KANSL1: variants seen among roughly 807,000 people sequenced by gnomAD.
KANSL1 encodes MLL1/MLL complex subunit KANSL1.
A neutral mutation model predicts 103.6 loss-of-function variants in KANSL1; 22 were observed. The ratio of observed to expected loss-of-function variants is 0.21; its 90% CI spans 0.15 to 0.30. The LOEUF (loss-of-function observed/expected upper bound fraction) is 0.30, where lower values mean the gene tolerates loss of function less well. Among genes scored for constraint, KANSL1 ranks in the 10% least tolerant of loss-of-function variants. The pLI is 1.00. For synonymous variants in KANSL1, 600 were observed against 527.6 expected, an observed-to-expected ratio of 1.14 and a Z score of -1.88; for missense variants, 1,337 against 1,399.8, an observed-to-expected ratio of 0.96 and a Z score of 0.72.
At chr17:46,206,083 C>CAAAAAA (rs71226716) in intron 1 of KANSL1, among the ~76,000 whole-genome samples, 1 of 89,594 alleles carries the variant, frequency 1.1e-5, no homozygotes, top group Non-Finnish European at 2.0e-5. Context: ...CTGTGTCCCC[C>CAAAAAA]AAAAAAAAAA....
intron 6 of KANSL1, among the ~76,000 whole-genome samples, chr17:46,055,437 C>G (rs1338360717): frequency 6.6e-6 from 1 of 150,878 alleles, no homozygotes; most frequent in Non-Finnish European, 1.5e-5. Context: ...TGCACTCCAG[C>G]CTGGGCGACA....
At chr17:46,049,638 C>G (rs189456444) in intron 7 of KANSL1, 1 of 152,080 alleles carries the variant, frequency 6.6e-6, no homozygotes, top group Non-Finnish European at 1.5e-5. Context: ...CACTCTGGGG[C>G]AAGACCCATA....
At chr17:46,195,415 T>C (rs1204464980), upstream of KANSL1, among the ~76,000 whole-genome samples, 3 of 152,254 alleles carry the variant, frequency 2.0e-5, no homozygotes, top group Non-Finnish European at 4.4e-5. Flanking sequence ...TTTAAAACCA[T>C]GTATTTGGGG....
intron 1 of KANSL1, among the ~76,000 whole-genome samples, chr17:46,213,332 G>C (rs1342488292): frequency 6.6e-6 from 1 of 152,114 alleles, no homozygotes; most frequent in Non-Finnish European, 1.5e-5. Flanking sequence ...ACGGAGTCTC[G>C]CTCTGTGGCC....
intron 2 of KANSL1, among the ~76,000 whole-genome samples, chr17:46,138,399 G>C (rs2044259268): frequency 6.6e-6 from 1 of 152,170 alleles, no homozygotes; most frequent in Non-Finnish European, 1.5e-5. Flanking sequence ...TATTTACATA[G>C]CATTTACACT....
chr17:46,086,926 C>T (rs1465339953), intron 3 of KANSL1, among the ~76,000 whole-genome samples: 1 of 152,114 alleles, frequency 6.6e-6, no homozygotes, highest in Non-Finnish European at 1.5e-5. Flanking sequence ...ACCACCACGC[C>T]TGGCTAGTTT....
chr17:46,062,911 G>A (rs1202582573), intron 6 of KANSL1, among the ~76,000 whole-genome samples: 12 of 152,176 alleles, frequency 7.9e-5, no homozygotes, highest in Middle Eastern at 3.4e-3. Flanking sequence ...ATAGCTGGGC[G>A]TGGTGGCGTA....
chr17:46,127,394 A>G (rs978333469), intron 2 of KANSL1, among the ~76,000 whole-genome samples: 2 of 152,270 alleles, frequency 1.3e-5, no homozygotes, highest in Non-Finnish European at 2.9e-5. Context: ...ACAGTTTTAA[A>G]GCAATGTTAC....
At chr17:46,049,679 CTTCTT>C (rs2077643260) in intron 7 of KANSL1, 1 of 151,966 alleles carries the variant, frequency 6.6e-6, no homozygotes, top group East Asian at 1.9e-4. Context: ...AAGGAATGCT[CTTCTT>C]TTGTCAAGTG....
intron 2 of KANSL1, among the ~76,000 whole-genome samples, chr17:46,096,694 C>T (rs1474156125): frequency 1.3e-5 from 2 of 151,972 alleles, no homozygotes; most frequent in African/African-American, 4.8e-5. Context: ...TCTCGGCTCA[C>T]TGCAAGCTCC....
intron 6 of KANSL1, among the ~76,000 whole-genome samples, 182 bp from the exon 7 acceptor site, chr17:46,050,886 G>A (rs927369005): frequency 6.6e-6 from 1 of 152,174 alleles, no homozygotes; most frequent in African/African-American, 2.4e-5. Context: ...ATTTCCATTT[G>A]TCTAACACAC....
chr17:46,038,145 A>C, intron 10 of KANSL1: 2 of 180,840 alleles, frequency 1.1e-5, no homozygotes, highest in Non-Finnish European at 2.3e-5. Context: ...GCCCATGGGA[A>C]TCTCCCCTCT....
intron 5 of KANSL1, 107 bp from the exon 6 acceptor site, chr17:46,066,839 A>ATTTGCTAATG (rs1410393393): frequency 4.0e-6 from 3 of 757,198 alleles, no homozygotes; most frequent in Non-Finnish European, 6.3e-6. Context: ...TTCAACCTCT[A>ATTTGCTAATG]TTTGCTAATG....
chr17:46,175,436 G>A (rs1309065553), intron 1 of KANSL1, among the ~76,000 whole-genome samples: 1 of 151,046 alleles, frequency 6.6e-6, no homozygotes, highest in African/African-American at 2.4e-5. Flanking sequence ...TGCAACCTCC[G>A]CCTCCTGTGT....
chr17:46,217,148 C>T (rs1227451562), intron 1 of KANSL1, among the ~76,000 whole-genome samples: 4 of 149,364 alleles, frequency 2.7e-5, no homozygotes, highest in African/African-American at 9.9e-5. Context: ...TGTAGTACTC[C>T]TAACATTCAG....
At chr17:46,066,241 A>G (rs2078371571) in intron 6 of KANSL1, among the ~76,000 whole-genome samples, 1 of 152,252 alleles carries the variant, frequency 6.6e-6, no homozygotes, top group African/African-American at 2.4e-5. Context: ...ATTCTCCTTC[A>G]AAGTGTTAAG....
chr17:46,033,360 T>C (rs1490060343), intron 12 of KANSL1, 43 bp downstream of exon 12: 1 of 1,572,856 alleles, frequency 6.4e-7, no homozygotes, highest in South Asian at 1.1e-5. Flanking sequence ...TATGTGTGCA[T>C]GTGTACACAC....
intron 2 of KANSL1, among the ~76,000 whole-genome samples, chr17:46,159,300 G>C (rs571215297): frequency 6.6e-6 from 1 of 152,218 alleles, no homozygotes; most frequent in Non-Finnish European, 1.5e-5. Context: ...TGAGGAACTC[G>C]AGCCTAGGTA....
chr17:46,099,721 T>C (rs1313549096), intron 2 of KANSL1, among the ~76,000 whole-genome samples: 1 of 152,246 alleles, frequency 6.6e-6, no homozygotes. Flanking sequence ...CTTAGAACGT[T>C]TGATTTTACC....
Sources: allele counts gnomAD v4.1 joint callset (sites outside exome capture counted in the v4.1 genomes callset), GRCh38; gene constraint gnomAD v4.1.1; transcripts MANE v1.5; gene names NCBI Gene and HGNC (gene_info 2026-07-23, HGNC 2026-07-21).